KLF16: variants seen among roughly 807,000 people sequenced by gnomAD.
KLF16 encodes Krueppel-like factor 16.
In KLF16, 6 loss-of-function variants were observed where a neutral mutation model predicts 6.1. The ratio of observed to expected loss-of-function variants is 0.98; its 90% CI spans 0.54 to 1.93. KLF16 has a LOEUF of 1.93. KLF16 is among the 30% of genes most tolerant of loss of function. The probability of loss-of-function intolerance (pLI) is 0.01; values close to 1 mark genes in which losing one functional copy is unlikely to be tolerated. For synonymous variants in KLF16, 211 were observed against 176.5 expected, an observed-to-expected ratio of 1.20 and a Z score of -1.55; for missense variants, 355 against 363.8, an observed-to-expected ratio of 0.98 and a Z score of 0.20.
At chr19:1,871,978 G>A in the KLF16 span, among the ~76,000 whole-genome samples, 1 of 152,130 alleles carries the variant, frequency 6.6e-6, no homozygotes, top group Admixed American at 6.5e-5. Flanking sequence ...CCCCTCCTCA[G>A]CAGGACTGCA....
intron 1 of KLF16, among the ~76,000 whole-genome samples, chr19:1,856,180 C>T (rs1018516090): frequency 6.6e-6 from 1 of 152,126 alleles, no homozygotes; most frequent in East Asian, 1.9e-4. Context: ...GTGAGGGGTA[C>T]AGAGACGGCG....
the KLF16 span, among the ~76,000 whole-genome samples, chr19:1,873,265 A>C: frequency 5.9e-5 from 9 of 152,200 alleles, no homozygotes. Context: ...GACCCCACGA[A>C]TGCCAGTCGG....
rs1447895443 is a variant in KLF16 at position 1,857,378 on chromosome 19, G to C, written c.458-2618C>G. 6.6e-6 allele frequency among the ~76,000 whole-genome samples: 1 copy of C among 152,244 alleles called. No individual in the cohort carries two copies. On this transcript the variant is annotated intron_variant, in intron 1 of 1. Coordinates refer to ENST00000250916, the MANE Select transcript of KLF16 (RefSeq NM_031918.4). This position sits in a 1 kb window ranked among gnomAD's most constrained non-coding sequence, Gnocchi z 4.7. ...CCCAGCTGCTCCGCGCTACCTGGCC[G>C]AGACGCAGCGCCCTGAGGATGCGGT... is the stretch of plus-strand genomic sequence containing the variant.
the KLF16 span, among the ~76,000 whole-genome samples, chr19:1,868,637 C>A: frequency 2.0e-5 from 3 of 150,032 alleles, no homozygotes; most frequent in African/African-American, 7.3e-5. Flanking sequence ...CACCACCACA[C>A]CGGGCTTTTT....
the KLF16 span, among the ~76,000 whole-genome samples, chr19:1,871,938 G>T: frequency 2.0e-5 from 3 of 152,190 alleles, no homozygotes; most frequent in East Asian, 5.8e-4. Context: ...TTCCTTTCCC[G>T]TGCGAATCCC....
At chr19:1,860,109 C>T (rs1381531392) in intron 1 of KLF16, 1 of 110,656 alleles carries the variant, frequency 9.0e-6, no homozygotes, top group Non-Finnish European at 1.7e-5. Flanking sequence ...CGGGCACTGG[C>T]ATGCCGGGGG....
At chr19:1,861,438 C>CT (rs568965066) in intron 1 of KLF16, 104 of 152,538 alleles carry the variant, frequency 6.8e-4, no homozygotes, top group African/African-American at 2.4e-3. Flanking sequence ...AGGCACCTCC[C>CT]TTTCTGTTCC....
In KLF16 at chr19:1,863,414, C is replaced by T. The variant is rs1453706050; in HGVS notation, c.84G>A (p.Gly28=). The change falls in exon 1 of 2, where the codon GGG becomes GGA. Residue 28 remains glycine (G), a synonymous_variant. Transcript: ENST00000250916. ...GGCCCGCGCCCTCGGGGCCGGGCCG[C>T]CCGCGGTGCACCACGGCGCCCGAAG... ...AISSGAVVHR[G]RPGPEGAGPA... 8.0e-6 allele frequency: 8 copies of T among 1,001,042 alleles called. No individual in the cohort carries two copies. Among genetic ancestry groups the T allele is most frequent in the Non-Finnish European group, 9.5e-6 (8 of 842,134 alleles). The allele number at this position is 1,001,042 out of a possible 1,614,324, so 62.0% of individuals were successfully genotyped here.
At chr19:1,873,989 C>G in the KLF16 span, among the ~76,000 whole-genome samples, 1 of 152,228 alleles carries the variant, frequency 6.6e-6, no homozygotes, top group African/African-American at 2.4e-5. Flanking sequence ...CATCGCGCAC[C>G]GTGAATATCC....
chr19:1,871,839 C>T, the KLF16 span, among the ~76,000 whole-genome samples: 2 of 152,054 alleles, frequency 1.3e-5, no homozygotes, highest in Non-Finnish European at 2.9e-5. Context: ...CTGGGGTCCA[C>T]GGCATCCATG....
the KLF16 span, among the ~76,000 whole-genome samples, chr19:1,876,477 G>A: frequency 2.6e-5 from 4 of 152,186 alleles, no homozygotes; most frequent in Admixed American, 2.6e-4. Flanking sequence ...CCTCTTCCAG[G>A]GGAGACCCTC....
rs1806039949 is a variant in KLF16 at position 1,863,360 on chromosome 19, C to T, written c.138G>A (p.Ala46=). Residue 46 remains alanine (A), a synonymous_variant, in exon 1 of 2, where the codon GCG becomes GCA. Coordinates refer to ENST00000250916, the MANE Select transcript of KLF16 (RefSeq NM_031918.4). ...TCCCGGGTGAGGCGGCCTCGCGGCG[C>T]GCCGCGCGCACATCCAGGCCGGCGG... ...GPAAGLDVRA[A]RREAASPGTP... is the part of the protein sequence containing the mutation. The T allele has an allele frequency of 1.3e-5, 13 of 979,852 alleles. No homozygotes were observed. In the South Asian group the frequency reaches 5.4e-4, roughly 41 times the overall value. 60.7% of individuals were successfully genotyped at this position (979,852 alleles called of 1,614,324 possible).
chr19:1,876,288 T>C, the KLF16 span: 1 of 152,470 alleles, frequency 6.6e-6, no homozygotes, highest in East Asian at 1.9e-4. Flanking sequence ...GGACTAGAGC[T>C]AGCTGGATGC....
At position 1,854,341 on chromosome 19, in the gene KLF16, G is replaced by T. The variant is rs544974202; in HGVS notation, c.*118C>A. 5 of 1,241,990 alleles carry T rather than the reference G, an allele frequency of 4.0e-6. No homozygotes were observed. Among genetic ancestry groups the T allele is most frequent in the African/African-American group, 1.6e-5 (1 of 62,586 alleles). 76.9% of individuals were successfully genotyped at this position (1,241,990 alleles called of 1,614,324 possible). On this transcript the variant is annotated 3_prime_UTR_variant, in exon 2 of 2. Coordinates refer to ENST00000250916, the MANE Select transcript of KLF16 (RefSeq NM_031918.4). Reference sequence around the variant, plus strand: ...CCCCCTCCTCACTCTCTGGAGGGGGGCAGGGGTGTCTTCAGGGTTTGCCCA... The same window carrying T: ...CCCCCTCCTCACTCTCTGGAGGGGGTCAGGGGTGTCTTCAGGGTTTGCCCA...
the KLF16 span, among the ~76,000 whole-genome samples, chr19:1,872,636 G>C: frequency 1.3e-5 from 2 of 152,340 alleles, no homozygotes; most frequent in East Asian, 3.9e-4. Context: ...GGTCTGGCGG[G>C]AGGTGCTCGC....
the KLF16 span, among the ~76,000 whole-genome samples, chr19:1,874,277 G>C: frequency 6.6e-6 from 1 of 152,202 alleles, no homozygotes; most frequent in Non-Finnish European, 1.5e-5. Flanking sequence ...CTCCGGACAT[G>C]AGGTCAGGAA....
chr19:1,854,725 C>G lies in KLF16; in HGVS notation c.493G>C (p.Asp165His). 3.1e-6 allele frequency: 5 copies of G among 1,598,262 alleles called. No homozygotes were observed. The highest frequency in any genetic ancestry group is 2.2e-5 in the East Asian group (1 of 44,794). ...TCGTCGGAGCGGGCGAACTTCTTGT[C>G]GCAGCCCTGCCAGTCACAAGCAAAA... is the stretch of plus-strand genomic sequence containing the variant. ...RPFACDWQGC[D>H]KKFARSDELA... The change falls in exon 2 of 2, where the codon GAC becomes CAC. Residue 165 changes from aspartate to histidine, a missense_variant. Asp to His is a moderately conservative substitution (Grantham distance 81). Transcript: ENST00000250916.
intron 1 of KLF16, 165 bp downstream of exon 1, chr19:1,862,876 C>A (rs1384449213): frequency 9.9e-6 from 2 of 201,018 alleles, no homozygotes; most frequent in Admixed American, 6.4e-5. Context: ...CCACGCCCCC[C>A]GCGCGCGCCC....
intron 1 of KLF16, among the ~76,000 whole-genome samples, chr19:1,858,258 C>T (rs1438681275): frequency 6.6e-6 from 1 of 152,168 alleles, no homozygotes; most frequent in Non-Finnish European, 1.5e-5. Context: ...AGTCCAGCAG[C>T]TCCCGCCTGG....
Sources: allele counts gnomAD v4.1 joint callset (sites outside exome capture counted in the v4.1 genomes callset), GRCh38; gene constraint gnomAD v4.1.1; non-coding constraint Gnocchi (gnomAD v3.1); transcripts MANE v1.5; gene names NCBI Gene and HGNC (gene_info 2026-07-23, HGNC 2026-07-21).